GRIK2: variants seen among roughly 807,000 people sequenced by gnomAD.
GRIK2 encodes glutamate ionotropic receptor kainate type subunit 2, also known as glutamate receptor ionotropic, kainate 2.
A neutral mutation model predicts 100.3 loss-of-function variants in GRIK2; 32 were observed. The ratio of observed to expected loss-of-function variants is 0.32; its 90% CI spans 0.24 to 0.43. The LOEUF is 0.43. Among genes scored for constraint, GRIK2 ranks in the 20% least tolerant of loss-of-function variants. The pLI, the probability that GRIK2 is intolerant of heterozygous loss-of-function variation, is 1.00. For missense variants in GRIK2, 843 were observed against 1,114.9 expected, an observed-to-expected ratio of 0.76 and a Z score of 3.47; for synonymous variants, 417 against 389.4, an observed-to-expected ratio of 1.07 and a Z score of -0.83.
intron 2 of GRIK2, among the ~76,000 whole-genome samples, chr6:101,476,853 T>C (rs1772260053): frequency 2.6e-5 from 4 of 152,082 alleles, no homozygotes; most frequent in Admixed American, 2.6e-4. Context: ...TTTCTTGCAA[T>C]AGTTCAGGAA....
intron 2 of GRIK2, among the ~76,000 whole-genome samples, chr6:101,529,130 C>G (rs117066685): frequency 3.7e-4 from 56 of 152,184 alleles, no homozygotes; most frequent in Non-Finnish European, 7.4e-4. Flanking sequence ...AGTTATTATT[C>G]ACTTCTTATA....
intron 14 of GRIK2, among the ~76,000 whole-genome samples, chr6:102,015,946 C>A (rs968425274): frequency 2.0e-5 from 3 of 152,076 alleles, no homozygotes; most frequent in African/African-American, 7.2e-5. Flanking sequence ...ACTGAACCCA[C>A]CTTATATCAC....
intron 10 of GRIK2, among the ~76,000 whole-genome samples, chr6:101,840,783 A>AAAAC (rs140146473): frequency 3.9e-5 from 6 of 152,140 alleles, no homozygotes; most frequent in African/African-American, 1.4e-4. Flanking sequence ...ATTGATTAAA[A>AAAAC]AAACAAACAA....
At chr6:101,961,050 G>C (rs1425983081) in intron 14 of GRIK2, among the ~76,000 whole-genome samples, 1 of 152,140 alleles carries the variant, frequency 6.6e-6, no homozygotes. Context: ...GTGACAGGGA[G>C]AGGTTATAGT....
At chr6:101,715,058 A>T (rs1213069471) in intron 7 of GRIK2, among the ~76,000 whole-genome samples, 2 of 151,632 alleles carry the variant, frequency 1.3e-5, no homozygotes, top group African/African-American at 4.8e-5. Context: ...AAGGAACCAT[A>T]TAAAATACCA....
At chr6:101,712,307 A>T (rs1266048952) in intron 7 of GRIK2, among the ~76,000 whole-genome samples, 2 of 151,834 alleles carry the variant, frequency 1.3e-5, no homozygotes, top group Non-Finnish European at 2.9e-5. Context: ...GCTCTAGCCC[A>T]TACTTACTGA....
chr6:101,747,233 G>T (rs1357607215), intron 7 of GRIK2, among the ~76,000 whole-genome samples: 1 of 152,136 alleles, frequency 6.6e-6, no homozygotes, highest in Non-Finnish European at 1.5e-5. Flanking sequence ...ACCCTTTAAA[G>T]GAACCCTTTA....
At chr6:101,845,208 G>A (rs1352804232) in intron 10 of GRIK2, among the ~76,000 whole-genome samples, 1 of 151,978 alleles carries the variant, frequency 6.6e-6, no homozygotes, top group Admixed American at 6.6e-5. Context: ...TGTACAGATG[G>A]GGTCTCGCTA....
At chr6:101,507,319 T>A (rs1774074691) in intron 2 of GRIK2, among the ~76,000 whole-genome samples, 1 of 152,238 alleles carries the variant, frequency 6.6e-6, no homozygotes, top group Middle Eastern at 3.4e-3. Context: ...TTCAGAGACA[T>A]AGTTTGGGTA....
At chr6:102,033,436 G>A (rs1770102801) in intron 14 of GRIK2, among the ~76,000 whole-genome samples, 1 of 151,156 alleles carries the variant, frequency 6.6e-6, no homozygotes, top group South Asian at 2.1e-4. Context: ...GTGGGTTGGG[G>A]GAGTCATCAT....
intron 2 of GRIK2, among the ~76,000 whole-genome samples, chr6:101,512,220 CTT>C (rs1207489934): frequency 5.3e-5 from 8 of 151,664 alleles, no homozygotes; most frequent in African/African-American, 1.4e-4. Context: ...AAATAATAAA[CTT>C]AGTTTCATTC....
chr6:101,904,400 C>T (rs1303043569), intron 12 of GRIK2, among the ~76,000 whole-genome samples: 1 of 151,252 alleles, frequency 6.6e-6, no homozygotes, highest in Non-Finnish European at 1.5e-5. Flanking sequence ...AACATCATTG[C>T]TTCAATTTTT....
chr6:101,790,079 T>G (rs1779730639), intron 7 of GRIK2, among the ~76,000 whole-genome samples: 1 of 152,228 alleles, frequency 6.6e-6, no homozygotes, highest in African/African-American at 2.4e-5. Flanking sequence ...TTTGCTGAAG[T>G]TGCTTAACAG....
intron 2 of GRIK2, among the ~76,000 whole-genome samples, chr6:101,483,075 T>C (rs1271499222): frequency 2.0e-5 from 3 of 152,218 alleles, no homozygotes; most frequent in Admixed American, 6.5e-5. Context: ...TACAAATACA[T>C]AGCAACAACT....
At chr6:101,519,230 A>T (rs1222056747) in intron 2 of GRIK2, among the ~76,000 whole-genome samples, 1 of 151,950 alleles carries the variant, frequency 6.6e-6, no homozygotes. Flanking sequence ...CAGAGGCTAG[A>T]AAGTTTGGAA....
chr6:101,937,251 C>T (rs1562498117), intron 14 of GRIK2, among the ~76,000 whole-genome samples: 1 of 152,140 alleles, frequency 6.6e-6, no homozygotes, highest in African/African-American at 2.4e-5. Context: ...ATGGTTCTCT[C>T]CCTCCCTTGT....
intron 14 of GRIK2, among the ~76,000 whole-genome samples, chr6:101,958,531 T>C (rs1312249): frequency 0.028 from 4,231 of 152,124 alleles, 222 homozygotes; most frequent in African/African-American, 0.097. Flanking sequence ...TCCTCTTGCT[T>C]GATTCCTGTA....
intron 2 of GRIK2, among the ~76,000 whole-genome samples, chr6:101,488,814 A>G (rs1772959912): frequency 6.8e-6 from 1 of 146,106 alleles, no homozygotes; most frequent in Non-Finnish European, 1.5e-5. Flanking sequence ...CTTTGTAAAA[A>G]CATAGTAGGT....
chr6:101,533,783 G>A (rs1334179105), intron 2 of GRIK2, among the ~76,000 whole-genome samples: 1 of 151,910 alleles, frequency 6.6e-6, no homozygotes, highest in Non-Finnish European at 1.5e-5. Context: ...GACAGCCATT[G>A]AACCACTTAT....
Sources: gnomAD v4.1 joint callset for allele counts (sites outside exome capture counted in the v4.1 genomes callset) on GRCh38, gnomAD v4.1.1 for gene constraint, MANE v1.5 for transcripts, NCBI Gene and HGNC (gene_info 2026-07-23, HGNC 2026-07-21) for gene names.